Variants in IQCM observed in about 807,000 individuals in gnomAD.
The protein encoded by IQCM is IQ motif containing M.
IQCM carries 45 observed loss-of-function variants against 57.6 expected under a neutral mutation model. That is an observed-to-expected ratio of 0.78 (90% CI 0.62 to 1.00). The LOEUF (loss-of-function observed/expected upper bound fraction) is 1.00. Ranked by LOEUF, IQCM falls within the 50% of genes least tolerant of loss-of-function variation. The pLI is 0.00. For missense variants in IQCM, 468 were observed against 511.6 expected, an observed-to-expected ratio of 0.91 and a Z score of 0.82; for synonymous variants, 148 against 158.9, an observed-to-expected ratio of 0.93 and a Z score of 0.51.
intron 13 of IQCM, 64 bp downstream of exon 13, chr4:149,433,332 A>T: frequency 1.5e-6 from 1 of 686,764 alleles, no homozygotes; most frequent in Non-Finnish European, 2.0e-6. Context: ...GAATACAGTT[A>T]TATATTTAAT....
chr4:149,798,817 C>T (rs1169759198), intron 2 of IQCM, among the ~76,000 whole-genome samples: 2 of 151,852 alleles, frequency 1.3e-5, no homozygotes, highest in Non-Finnish European at 2.9e-5. Flanking sequence ...AATACTTTAG[C>T]ATTTAGATAT....
chr4:149,747,043 T>C (rs1316037114), intron 2 of IQCM, among the ~76,000 whole-genome samples: 1 of 152,208 alleles, frequency 6.6e-6, no homozygotes, highest in Admixed American at 6.5e-5. Context: ...CCTTCCACTT[T>C]TCCTCTACTA....
chr4:149,703,824 G>A (rs1268927033), intron 5 of IQCM, among the ~76,000 whole-genome samples: 2 of 151,892 alleles, frequency 1.3e-5, no homozygotes, highest in Non-Finnish European at 2.9e-5. Context: ...CTTAGTAGCT[G>A]AGACAGTTTC....
chr4:149,580,532 T>C (rs574321860), intron 9 of IQCM, among the ~76,000 whole-genome samples: 1 of 151,948 alleles, frequency 6.6e-6, no homozygotes, highest in East Asian at 2.0e-4. Flanking sequence ...ACTATATTGC[T>C]AGACCAGGAA....
intron 9 of IQCM, among the ~76,000 whole-genome samples, chr4:149,567,823 T>C (rs145897551): frequency 6.6e-6 from 1 of 152,236 alleles, no homozygotes; most frequent in East Asian, 1.9e-4. Flanking sequence ...ACAAATGTTA[T>C]AACAATTTTA....
intron 13 of IQCM, among the ~76,000 whole-genome samples, chr4:149,387,413 G>C (rs527281682): frequency 6.6e-6 from 1 of 152,130 alleles, no homozygotes; most frequent in Non-Finnish European, 1.5e-5. Context: ...CTCTACTATA[G>C]AATTACCAAT....
At position 149,557,555 on chromosome 4, in the gene IQCM, A is replaced by G. The variant is rs144396665; in HGVS notation, c.949-4268T>C. On this transcript the variant is annotated intron_variant, in intron 10 of 13. Coordinates refer to ENST00000636793, the MANE Select transcript of IQCM (RefSeq NM_001363507.2). ...TCTCTGCCATTTTCTGTATTACCTC[A>G]ATCTCCTCGAACATTCAAACCCATC... 2.2e-3 allele frequency among the ~76,000 whole-genome samples: 332 copies of G among 152,106 alleles called. 2 individuals carry two copies. Among genetic ancestry groups the G allele is most frequent in the African/African-American group, 5.5e-3 (226 of 41,456 alleles).
chr4:149,649,655 T>C (rs1483604032), intron 7 of IQCM, among the ~76,000 whole-genome samples: 2 of 152,174 alleles, frequency 1.3e-5, no homozygotes, highest in African/African-American at 4.8e-5. Flanking sequence ...AGCCAGAGCT[T>C]AATAGGTTTC....
At chr4:149,807,469 T>C (rs1774191897) in intron 2 of IQCM, among the ~76,000 whole-genome samples, 1 of 151,966 alleles carries the variant, frequency 6.6e-6, no homozygotes, top group Non-Finnish European at 1.5e-5. Flanking sequence ...GAACTGAAAC[T>C]AGAAACTATG....
At chr4:149,531,380 T>C (rs1251778068) in intron 12 of IQCM, among the ~76,000 whole-genome samples, 2 of 152,198 alleles carry the variant, frequency 1.3e-5, no homozygotes, top group African/African-American at 4.8e-5. Flanking sequence ...GTAAACTCTG[T>C]ATGTTTCAAC....
intron 9 of IQCM, among the ~76,000 whole-genome samples, chr4:149,576,739 A>C (rs1346706785): frequency 6.6e-6 from 1 of 151,892 alleles, no homozygotes; most frequent in Non-Finnish European, 1.5e-5. Context: ...AGAACAATTT[A>C]TATTCCTTTG....
chr4:149,658,312 AG>A (rs1365454046), intron 7 of IQCM, among the ~76,000 whole-genome samples: 1 of 151,930 alleles, frequency 6.6e-6, no homozygotes, highest in Non-Finnish European at 1.5e-5. Context: ...AGTTGGCTGT[AG>A]ATGTCAGAAT....
chr4:149,564,403 T>C (rs1215314880), intron 9 of IQCM, among the ~76,000 whole-genome samples: 1 of 152,172 alleles, frequency 6.6e-6, no homozygotes, highest in African/African-American at 2.4e-5. Context: ...CTGCAAACGA[T>C]GACCAGTCTG....
intron 9 of IQCM, among the ~76,000 whole-genome samples, chr4:149,577,557 T>C (rs1321279707): frequency 6.6e-6 from 1 of 151,990 alleles, no homozygotes; most frequent in East Asian, 1.9e-4. Flanking sequence ...GCGGCTTTAT[T>C]TCTGAGTTTT....
At chr4:149,554,967 G>A (rs1275150203) in intron 10 of IQCM, among the ~76,000 whole-genome samples, 1 of 152,148 alleles carries the variant, frequency 6.6e-6, no homozygotes, top group East Asian at 1.9e-4. Context: ...CCAAAGTGCA[G>A]TGATTACAGG....
intron 7 of IQCM, among the ~76,000 whole-genome samples, chr4:149,624,823 C>G (rs1428338758): frequency 6.6e-6 from 1 of 152,174 alleles, no homozygotes; most frequent in Non-Finnish European, 1.5e-5. Context: ...TATCTGCCTT[C>G]CAGAGTAGAA....
chr4:149,727,340 C>A (rs1766042311), intron 5 of IQCM, among the ~76,000 whole-genome samples: 3 of 152,174 alleles, frequency 2.0e-5, no homozygotes, highest in African/African-American at 2.4e-5. Flanking sequence ...CAGAAAGTAG[C>A]AGTTCTCATC....
chr4:149,791,537 G>A (rs1200576116), intron 2 of IQCM, among the ~76,000 whole-genome samples: 2 of 152,142 alleles, frequency 1.3e-5, no homozygotes, highest in Non-Finnish European at 2.9e-5. Context: ...CCATCTAGCT[G>A]TATTTCTGTT....
chr4:149,553,276 A>G lies in IQCM; in HGVS notation c.960T>C (p.His320=), dbSNP rs992872335. 15 of 1,231,816 alleles carry G rather than the reference A, an allele frequency of 1.2e-5. No homozygotes were observed. The highest frequency in any genetic ancestry group is 3.1e-4 in the Middle Eastern group (1 of 3,228). The allele number at this position is 1,231,816 out of a possible 1,614,324, so 76.3% of individuals were successfully genotyped here. ...TAATAACTGCTTTCATATCTGGTCC[A>G]TGATCCAAAGCCTACAAAGACAGAA... ...LQRVMTKALD[H]GPDMKAVINM... Residue 320 remains histidine (H), a synonymous_variant, in exon 11 of 14, where the codon CAT becomes CAC. Coordinates refer to ENST00000636793, the MANE Select transcript of IQCM (RefSeq NM_001363507.2).
Sources: allele counts gnomAD v4.1 joint callset (sites outside exome capture counted in the v4.1 genomes callset), GRCh38; gene constraint gnomAD v4.1.1; transcripts MANE v1.5; gene names NCBI Gene and HGNC (gene_info 2026-07-23, HGNC 2026-07-21).